ACTR3: variants seen among roughly 807,000 people sequenced by gnomAD.
The protein encoded by ACTR3 is actin-related protein 3.
ACTR3 carries 12 observed loss-of-function variants against 56.8 expected under a neutral mutation model. The ratio of observed to expected loss-of-function variants is 0.21; its 90% CI spans 0.14 to 0.34. The LOEUF (loss-of-function observed/expected upper bound fraction) is 0.34. ACTR3 is among the 10% of genes least tolerant of loss of function. The pLI, the probability that ACTR3 is intolerant of heterozygous loss-of-function variation, is 1.00. For synonymous variants in ACTR3, 162 were observed against 167.4 expected, an observed-to-expected ratio of 0.97 and a Z score of 0.25; for missense variants, 282 against 512.5, an observed-to-expected ratio of 0.55 and a Z score of 4.34.
chr2:113,897,088 T>C (rs1365908564), intron 1 of ACTR3, among the ~76,000 whole-genome samples: 1 of 152,190 alleles, frequency 6.6e-6, no homozygotes, highest in African/African-American at 2.4e-5. Context: ...TAATCAGTGA[T>C]AGACAGTAGC....
intron 5 of ACTR3, among the ~76,000 whole-genome samples, chr2:113,932,077 G>T (rs1319978598): frequency 3.9e-5 from 6 of 152,096 alleles, no homozygotes; most frequent in Admixed American, 6.5e-5. Context: ...AGGCAGCTGA[G>T]GTCTGTCTGA....
intron 1 of ACTR3, among the ~76,000 whole-genome samples, chr2:113,898,308 T>C (rs569534744): frequency 5.9e-5 from 9 of 152,246 alleles, no homozygotes; most frequent in African/African-American, 1.9e-4. Context: ...CACAGAATTA[T>C]AGAGCTGAAA....
At chr2:113,924,961 A>G (rs1679589125) in intron 3 of ACTR3, among the ~76,000 whole-genome samples, 1 of 151,814 alleles carries the variant, frequency 6.6e-6, no homozygotes, top group Admixed American at 6.6e-5. Context: ...GAGTGATGTG[A>G]TCTTGGCCTA....
rs1452211900 is a variant in ACTR3 at position 113,927,378 on chromosome 2, G to A, written c.259G>A (p.Asp87Asn). ...CCGCCATGGTATAGTTGAAGATTGGGACTTAATGGAAAGGTTTATGGAGCA... is the reference window on the plus strand; with the variant it reads ...CCGCCATGGTATAGTTGAAGATTGGAACTTAATGGAAAGGTTTATGGAGCA... ...PIRHGIVEDW[D>N]LMERFMEQVI... is the part of the protein sequence containing the mutation. The change falls in exon 4 of 12, where the codon GAC becomes AAC. Residue 87 changes from aspartate (D) to asparagine (N), a missense_variant. Transcript: ENST00000263238. 41 of 1,588,990 alleles carry A rather than the reference G, an allele frequency of 2.6e-5. No individual in the cohort carries two copies. The highest frequency in any genetic ancestry group is 3.5e-5 in the Non-Finnish European group (41 of 1,165,470).
chr2:113,935,273 A>G (rs1357931827), intron 6 of ACTR3, among the ~76,000 whole-genome samples: 1 of 152,190 alleles, frequency 6.6e-6, no homozygotes, highest in African/African-American at 2.4e-5. Context: ...TTTTTAGTAT[A>G]TTCACAAAGT....
At chr2:113,927,294 G>T in intron 3 of ACTR3, 51 bp from the exon 4 acceptor site, 4 of 1,250,596 alleles carry the variant, frequency 3.2e-6, no homozygotes, top group Non-Finnish European at 3.3e-6. Context: ...ATTTTTATTT[G>T]TTTTTTATAT....
chr2:113,895,061 C>T (rs1247575111), intron 1 of ACTR3, among the ~76,000 whole-genome samples: 6 of 53,496 alleles, frequency 1.1e-4, no homozygotes, highest in African/African-American at 9.8e-4. Context: ...GTTTAGGTTC[C>T]CCCCCCCCAC....
At chr2:113,937,967 C>G (rs932918650) in intron 6 of ACTR3, among the ~76,000 whole-genome samples, 2 of 152,062 alleles carry the variant, frequency 1.3e-5, no homozygotes, top group East Asian at 3.8e-4. Flanking sequence ...GTACTCTAAT[C>G]ACATGTATAT....
chr2:113,918,461 GC>G (rs1679447817), intron 3 of ACTR3, among the ~76,000 whole-genome samples: 2 of 149,916 alleles, frequency 1.3e-5, no homozygotes, highest in South Asian at 4.2e-4. Context: ...ATGACTCACT[GC>G]AGCCTTGAAT....
At position 113,959,559 on chromosome 2, in the gene ACTR3, T is replaced by G. The variant is rs1680289568; in HGVS notation, c.*2104T>G. ...AACTTTCTTGAAGCTTACGCTTAAC[T>G]TATTTGGGGAAACAAAACTCCAGCC... On this transcript the variant is annotated 3_prime_UTR_variant, in exon 12 of 12. Transcript: ENST00000263238. 6.6e-6 allele frequency: 1 copy of G among 152,072 alleles called. No homozygotes were observed. Among genetic ancestry groups the G allele is most frequent in the Non-Finnish European group, 1.5e-5 (1 of 67,944 alleles). 9.4% of individuals were successfully genotyped at this position (152,072 alleles called of 1,614,324 possible).
rs1233198931 is a variant in ACTR3, at chr2:113,960,292, T to TA, written c.*2838dup. The TA allele has an allele frequency of 2.0e-5, 3 of 152,004 alleles. No individual in the cohort carries two copies. Among genetic ancestry groups the TA allele is most frequent in the Admixed American group, 6.6e-5 (1 of 15,234 alleles). 9.4% of individuals were successfully genotyped at this position (152,004 alleles called of 1,614,324 possible). ...CTACTATAAGTACTCATCCTCTTCT[T>TA]ACCTATCTTCTTTTCTATAGGAGAT... On this transcript the variant is annotated 3_prime_UTR_variant, in exon 12 of 12. Transcript: ENST00000263238.
rs79638876 is a variant in ACTR3 at position 113,932,804 on chromosome 2, T to C, written c.432+1408T>C. On this transcript the variant is annotated intron_variant, in intron 5 of 11. Transcript: ENST00000263238. Reference sequence around the variant, plus strand: ...TAGGATGGAATTTTTCATTTTAAGATTGTCAAAAAATAATGTATAGTTCTG... The same window carrying C: ...TAGGATGGAATTTTTCATTTTAAGACTGTCAAAAAATAATGTATAGTTCTG... Among the ~76,000 whole-genome samples the C allele has an allele frequency of 0.024, 3,677 of 152,200 alleles. 215 individuals carry two copies. In the East Asian group the frequency reaches 0.26, roughly 11 times the overall value.
chr2:113,935,028 T>C (rs1303311183), intron 6 of ACTR3, among the ~76,000 whole-genome samples: 1 of 151,678 alleles, frequency 6.6e-6, no homozygotes, highest in Non-Finnish European at 1.5e-5. Flanking sequence ...ATTTACATTA[T>C]TTTGAACTTT....
At chr2:113,897,003 A>G (rs1265388426) in intron 1 of ACTR3, among the ~76,000 whole-genome samples, 1 of 152,240 alleles carries the variant, frequency 6.6e-6, no homozygotes, top group Non-Finnish European at 1.5e-5. Context: ...ACAAAATTCC[A>G]CTATAATAAA....
At chr2:113,890,831 A>G in intron 1 of ACTR3, 2 of 984,842 alleles carry the variant, frequency 2.0e-6, no homozygotes, top group Non-Finnish European at 2.4e-6. Context: ...GTGGGTGGGG[A>G]AAGGGAAGAA....
intron 1 of ACTR3, among the ~76,000 whole-genome samples, chr2:113,900,318 T>C (rs542633909): frequency 6.6e-6 from 1 of 152,340 alleles, no homozygotes; most frequent in South Asian, 2.1e-4. Flanking sequence ...TAGCAAACAC[T>C]AATTTACTTT....
intron 8 of ACTR3, among the ~76,000 whole-genome samples, chr2:113,945,525 T>C (rs1241621001): frequency 2.0e-5 from 3 of 152,216 alleles, no homozygotes; most frequent in Non-Finnish European, 4.4e-5. Context: ...TATTGTAATA[T>C]TTATAGTATT....
At position 113,916,873 on chromosome 2, in the gene ACTR3, T is replaced by A. The variant is rs974516963; in HGVS notation, c.101-11T>A. The A allele has an allele frequency of 6.3e-7, 1 of 1,586,786 alleles. No individual in the cohort carries two copies. Among genetic ancestry groups the A allele is most frequent in the Non-Finnish European group, 8.6e-7 (1 of 1,167,566 alleles). On this transcript the variant is annotated splice_polypyrimidine_tract_variant and intron_variant, in intron 2 of 11. Transcript: ENST00000263238. ...AAATGAATTCTTTGACATGTCTAAC[T>A]TATTTTAAAGGTATTGCTATTAAGG... is the stretch of plus-strand genomic sequence containing the variant.
At chr2:113,938,427 A>AT (rs771056122) in intron 6 of ACTR3, among the ~76,000 whole-genome samples, 3 of 151,898 alleles carry the variant, frequency 2.0e-5, no homozygotes, top group East Asian at 3.9e-4. Context: ...AGTATTTAGG[A>AT]TTTTTTCCTG....
Sources: gnomAD v4.1 joint callset for allele counts (sites outside exome capture counted in the v4.1 genomes callset) on GRCh38, gnomAD v4.1.1 for gene constraint, MANE v1.5 for transcripts, NCBI Gene and HGNC (gene_info 2026-07-23, HGNC 2026-07-21) for gene names.